Variants in CD276 observed in about 807,000 individuals in gnomAD.
CD276 encodes CD276 antigen.
Under a neutral mutation model 50.0 loss-of-function variants are expected in CD276, and 34 were observed. That is an observed-to-expected ratio of 0.68 (90% CI 0.52 to 0.91). The LOEUF (loss-of-function observed/expected upper bound fraction) is 0.91. CD276 is among the 40% of genes least tolerant of loss of function. CD276 has a pLI of 0.00. For missense variants in CD276, 634 were observed against 717.5 expected, an observed-to-expected ratio of 0.88 and a Z score of 1.33; for synonymous variants, 275 against 313.0, an observed-to-expected ratio of 0.88 and a Z score of 1.28.
In CD276 at chr15:73,704,582, C is replaced by A; in HGVS notation, c.1369+110C>A. The A allele has an allele frequency of 7.3e-7, 1 of 1,370,320 alleles. No homozygotes were observed. The highest frequency in any genetic ancestry group is 9.8e-7 in the Non-Finnish European group (1 of 1,015,720). 84.9% of individuals were successfully genotyped at this position (1,370,320 alleles called of 1,614,324 possible). A position where few individuals can be genotyped will look rare whatever the true frequency, so the allele number is the denominator to read the frequency against. Reference sequence around the variant, plus strand: ...GGTGGCCAGAAGACTTTCAAAATCCCTTTCATAGACTTCAGGTGCTCACAC... The same window carrying A: ...GGTGGCCAGAAGACTTTCAAAATCCATTTCATAGACTTCAGGTGCTCACAC... On this transcript the variant is annotated intron_variant, in intron 6 of 9. Transcript: ENST00000318443. This position sits in a 1 kb window ranked among gnomAD's most constrained non-coding sequence, Gnocchi z 4.1.
intron 1 of CD276, chr15:73,697,735 A>G (rs1176360512): frequency 6.6e-6 from 1 of 151,424 alleles, no homozygotes; most frequent in Non-Finnish European, 1.5e-5. Context: ...CGCCCAGCTA[A>G]TGTTTATATT....
intron 1 of CD276, among the ~76,000 whole-genome samples, chr15:73,693,581 C>A (rs1369337224): frequency 6.6e-6 from 1 of 152,134 alleles, no homozygotes; most frequent in East Asian, 1.9e-4. Flanking sequence ...GTGTGAGTGA[C>A]TTCTGATGGT....
rs189419591 is a variant in CD276, at chr15:73,690,796, G to A, written c.-55+6336G>A. 169 of 455,586 alleles carry A rather than the reference G, an allele frequency of 3.7e-4. No homozygotes were observed. The East Asian group carries it at 8.0e-3, about 22-fold the overall frequency. 28.2% of individuals were successfully genotyped at this position (455,586 alleles called of 1,614,324 possible). A position where few individuals can be genotyped will look rare whatever the true frequency, so the allele number is the denominator to read the frequency against. On this transcript the variant is annotated intron_variant, in intron 1 of 9. Transcript: ENST00000318443. Reference sequence around the variant, plus strand: ...TGTGAGGTAGGAAAGGGAGTCCTATGTTGTAGGAACTGGAAGCAGCCCACT... The same window carrying A: ...TGTGAGGTAGGAAAGGGAGTCCTATATTGTAGGAACTGGAAGCAGCCCACT...
At chr15:73,698,067 G>T (rs1900242830) in intron 1 of CD276, among the ~76,000 whole-genome samples, 1 of 152,116 alleles carries the variant, frequency 6.6e-6, no homozygotes, top group African/African-American at 2.4e-5. Flanking sequence ...AGCCTGGAGG[G>T]TGGCTGGGAT....
chr15:73,700,256 C>CA (rs1401551274), intron 2 of CD276, among the ~76,000 whole-genome samples: 1 of 152,170 alleles, frequency 6.6e-6, no homozygotes, highest in African/African-American at 2.4e-5. Context: ...AGTAGGTGCC[C>CA]AATAACTGTG....
At chr15:73,709,605 C>T in intron 7 of CD276, 43 bp from the exon 8 acceptor site, 1 of 1,605,642 alleles carries the variant, frequency 6.2e-7, no homozygotes, top group South Asian at 1.1e-5. Context: ...TGAAAATGGG[C>T]TTGCAAAAGA....
chr15:73,696,834 C>A (rs11574470), intron 1 of CD276, among the ~76,000 whole-genome samples: 7,433 of 152,138 alleles, frequency 0.049, 610 homozygotes, highest in African/African-American at 0.17. Flanking sequence ...AGATTCCTGT[C>A]TTAGGTCCTA....
intron 8 of CD276, among the ~76,000 whole-genome samples, chr15:73,710,254 T>A (rs1249134041): frequency 6.6e-6 from 1 of 152,248 alleles, no homozygotes; most frequent in African/African-American, 2.4e-5. Flanking sequence ...ACTGTTCTAG[T>A]TACAGACTGT....
At chr15:73,709,833 T>A in intron 8 of CD276, 144 bp downstream of exon 8, 1 of 741,142 alleles carries the variant, frequency 1.3e-6, no homozygotes, top group Non-Finnish European at 2.2e-6. Context: ...CCCACCCCGG[T>A]GAGTCTGCTC....
intron 7 of CD276, chr15:73,708,725 T>C (rs1180838280): frequency 1.5e-5 from 8 of 521,798 alleles, no homozygotes; most frequent in Non-Finnish European, 2.4e-5. Context: ...GGTGGGAGTG[T>C]AAGGCCAAGT....
intron 1 of CD276, among the ~76,000 whole-genome samples, chr15:73,695,112 G>A (rs1900128978): frequency 6.6e-6 from 1 of 152,196 alleles, no homozygotes; most frequent in South Asian, 2.1e-4. Flanking sequence ...CTGTGAACTG[G>A]TTAAGCCTTA....
chr15:73,695,437 T>C (rs567101097), intron 1 of CD276, among the ~76,000 whole-genome samples: 12 of 152,236 alleles, frequency 7.9e-5, no homozygotes, highest in African/African-American at 2.9e-4. Flanking sequence ...TTATCATGCC[T>C]CTGAGGTGCC....
chr15:73,691,842 A>G (rs1899999125), intron 1 of CD276, among the ~76,000 whole-genome samples: 1 of 152,176 alleles, frequency 6.6e-6, no homozygotes, highest in Admixed American at 6.5e-5. Context: ...TTTAGGCCAT[A>G]CGGGGAGGTG....
At chr15:73,693,135 G>A (rs564598466) in intron 1 of CD276, among the ~76,000 whole-genome samples, 2 of 152,320 alleles carry the variant, frequency 1.3e-5, no homozygotes, top group East Asian at 1.9e-4. Flanking sequence ...ATCATCCAGG[G>A]ACAGATGGTG....
At chr15:73,707,681 C>T (rs1048687075) in intron 6 of CD276, among the ~76,000 whole-genome samples, 1 of 152,200 alleles carries the variant, frequency 6.6e-6, no homozygotes, top group African/African-American at 2.4e-5. Context: ...CTTCCCCCAT[C>T]TTTTTTTGGT....
chr15:73,703,110 T>TG, intron 4 of CD276, 24 bp downstream of exon 4: 1 of 1,550,816 alleles, frequency 6.4e-7, no homozygotes, highest in Non-Finnish European at 8.7e-7. Flanking sequence ...AATGTCCCCT[T>TG]GGGGGAGGGG....
At chr15:73,697,597 C>T (rs1456492510) in intron 1 of CD276, 1 of 137,482 alleles carries the variant, frequency 7.3e-6, no homozygotes, top group Non-Finnish European at 1.5e-5. Flanking sequence ...GAGACAGAGT[C>T]TTGCAGTATC....
At chr15:73,692,729 C>T (rs1188180254) in intron 1 of CD276, among the ~76,000 whole-genome samples, 2 of 152,200 alleles carry the variant, frequency 1.3e-5, no homozygotes, top group East Asian at 3.8e-4. Context: ...ATATTGCATG[C>T]ATGGCCAATG....
At chr15:73,706,318 G>A (rs970878617) in intron 6 of CD276, among the ~76,000 whole-genome samples, 1 of 152,216 alleles carries the variant, frequency 6.6e-6, no homozygotes, top group Non-Finnish European at 1.5e-5. Flanking sequence ...TTTCACAGAC[G>A]AAGAAACTGA....
Sources: gnomAD v4.1 joint callset for allele counts (sites outside exome capture counted in the v4.1 genomes callset) on GRCh38, gnomAD v4.1.1 for gene constraint, Gnocchi (gnomAD v3.1) non-coding constraint, MANE v1.5 for transcripts, NCBI Gene and HGNC (gene_info 2026-07-23, HGNC 2026-07-21) for gene names.